HIVEP3: variants seen among roughly 807,000 people sequenced by gnomAD.
HIVEP3 encodes the protein transcription factor HIVEP3.
A neutral mutation model predicts 152.8 loss-of-function variants in HIVEP3; 49 were observed. The observed-to-expected ratio is 0.32, with a 90% CI of 0.26 to 0.41. The LOEUF (loss-of-function observed/expected upper bound fraction) is 0.41. Ranked by LOEUF, HIVEP3 falls within the 10% of genes least tolerant of loss-of-function variation. The pLI, the probability that HIVEP3 is intolerant of heterozygous loss-of-function variation, is 1.00. For synonymous variants in HIVEP3, 1,269 were observed against 1,289.0 expected, an observed-to-expected ratio of 0.98 and a Z score of 0.33; for missense variants, 2,790 against 3,103.3, an observed-to-expected ratio of 0.90 and a Z score of 2.40.
At position 41,833,070 on chromosome 1, in the gene HIVEP3, C is replaced by T. The variant is rs141399916; in HGVS notation, c.-801+85343G>A. Among the ~76,000 whole-genome samples the T allele has an allele frequency of 3.1e-3, 467 of 152,306 alleles. 3 individuals carry two copies. Among genetic ancestry groups the T allele is most frequent in the African/African-American group, 0.011 (453 of 41,572 alleles). On this transcript the variant is annotated intron_variant, in intron 1 of 8. Coordinates refer to ENST00000372583, the MANE Select transcript of HIVEP3 (RefSeq NM_024503.5). ...TCTTCATTTTAGGGGTGGGAGAAGG[C>T]ACGGAAATAATTCAGCTAAAATAAA... is the stretch of plus-strand genomic sequence containing the variant.
chr1:41,800,913 C>T (rs563682046), intron 1 of HIVEP3, among the ~76,000 whole-genome samples: 1 of 152,204 alleles, frequency 6.6e-6, no homozygotes, highest in African/African-American at 2.4e-5. Flanking sequence ...AATTCGTTAC[C>T]TGCCTACCTA....
intron 3 of HIVEP3, among the ~76,000 whole-genome samples, chr1:41,613,078 A>C (rs1644920784): frequency 1.3e-5 from 2 of 152,246 alleles, no homozygotes; most frequent in Non-Finnish European, 2.9e-5. Context: ...AGTGGAGGAC[A>C]GCCAGGAGCA....
chr1:41,834,409 G>A (rs998449061), intron 1 of HIVEP3, among the ~76,000 whole-genome samples: 1 of 152,178 alleles, frequency 6.6e-6, no homozygotes, highest in East Asian at 1.9e-4. Context: ...AAATACAGGG[G>A]TCACAGTTCA....
At chr1:41,676,991 C>T (rs545686873) in intron 2 of HIVEP3, among the ~76,000 whole-genome samples, 10 of 152,122 alleles carry the variant, frequency 6.6e-5, no homozygotes, top group Non-Finnish European at 1.3e-4. Context: ...TGTGTTATGC[C>T]GTGTGGAGGA....
chr1:41,689,773 C>A (rs2124106433), intron 2 of HIVEP3, among the ~76,000 whole-genome samples: 1 of 152,366 alleles, frequency 6.6e-6, no homozygotes, highest in Middle Eastern at 3.4e-3. Flanking sequence ...AAACCCCATC[C>A]TTTCCCTTAG....
intron 5 of HIVEP3, among the ~76,000 whole-genome samples, chr1:41,531,733 G>A (rs541874176): frequency 1.2e-4 from 10 of 86,374 alleles, no homozygotes; most frequent in South Asian, 6.3e-4. Flanking sequence ...AGACAGGGGC[G>A]ATAGAGGACA....
At chr1:41,649,830 T>C (rs1341668645) in intron 2 of HIVEP3, among the ~76,000 whole-genome samples, 1 of 152,176 alleles carries the variant, frequency 6.6e-6, no homozygotes, top group African/African-American at 2.4e-5. Context: ...TAAATCTGCA[T>C]CTGGCACCCA....
chr1:41,545,080 C>T (rs1403494877), intron 5 of HIVEP3, among the ~76,000 whole-genome samples: 3 of 134,130 alleles, frequency 2.2e-5, no homozygotes, highest in Admixed American at 1.4e-4. Flanking sequence ...ACCAACATCA[C>T]CACCTCTACC....
chr1:42,002,394 AAAC>A (rs1445102229), intron 1 of HIVEP3, among the ~76,000 whole-genome samples: 6 of 152,132 alleles, frequency 3.9e-5, no homozygotes, highest in African/African-American at 1.4e-4. Context: ...GAAAGAGTGC[AAAC>A]AACACCACTC....
intron 1 of HIVEP3, among the ~76,000 whole-genome samples, chr1:41,790,548 C>T (rs1649630491): frequency 6.6e-6 from 1 of 152,154 alleles, no homozygotes; most frequent in Non-Finnish European, 1.5e-5. Flanking sequence ...TTCAGATGTA[C>T]AAACTGAGAT....
At chr1:41,992,202 T>A (rs1489377545) in intron 1 of HIVEP3, among the ~76,000 whole-genome samples, 1 of 151,520 alleles carries the variant, frequency 6.6e-6, no homozygotes, top group Non-Finnish European at 1.5e-5. Context: ...AAAGAGGAAG[T>A]CAAATTGTCC....
intron 1 of HIVEP3, among the ~76,000 whole-genome samples, chr1:41,915,567 A>G (rs1644858492): frequency 6.6e-6 from 1 of 152,230 alleles, no homozygotes; most frequent in African/African-American, 2.4e-5. Flanking sequence ...CCAATGATCA[A>G]AATTCATAAA....
intron 1 of HIVEP3, among the ~76,000 whole-genome samples, chr1:42,000,372 T>C (rs1415499944): frequency 6.6e-6 from 1 of 152,100 alleles, no homozygotes; most frequent in African/African-American, 2.4e-5. Context: ...AACCAGCCAC[T>C]GTAAATGGAG....
At chr1:41,622,661 C>T (rs779997105) in intron 3 of HIVEP3, among the ~76,000 whole-genome samples, 1 of 152,214 alleles carries the variant, frequency 6.6e-6, no homozygotes, top group Non-Finnish European at 1.5e-5. Flanking sequence ...ATGCTCATTC[C>T]TGCCATAGAC....
chr1:41,582,307 G>A lies in HIVEP3; in HGVS notation c.2491C>T (p.Pro831Ser), dbSNP rs749698755. 1 of 1,614,164 alleles carries A rather than the reference G, an allele frequency of 6.2e-7. No individual in the cohort carries two copies. The highest frequency in any genetic ancestry group is 8.5e-7 in the Non-Finnish European group (1 of 1,180,022). ...EDKPLAQFPS[P>S]PPAPHGRSAH... ...GAGCGTCCGTGTGGGGCAGGTGGGGGTGATGGGAACTGGGCCAGAGGTTTG... is the reference window on the plus strand; with the variant it reads ...GAGCGTCCGTGTGGGGCAGGTGGGGATGATGGGAACTGGGCCAGAGGTTTG... Residue 831 changes from proline to serine, a missense_variant, in exon 4 of 9, where the codon CCC (proline) becomes TCC (serine). Pro to Ser is a moderately conservative substitution (Grantham distance 74, BLOSUM62 -1). This residue lies in a region of HIVEP3 where 1,078 missense variants were observed against 1,165.3 expected (regional missense o/e 0.93). Transcript: ENST00000372583. This position sits in a 1 kb window ranked among gnomAD's most constrained non-coding sequence, Gnocchi z 4.7.
chr1:41,910,360 A>C (rs1644776618), intron 1 of HIVEP3, among the ~76,000 whole-genome samples: 1 of 152,042 alleles, frequency 6.6e-6, no homozygotes. Flanking sequence ...ATATTGATTT[A>C]AGAAAAAAAT....
At chr1:41,940,224 T>G (rs1259221724) in intron 1 of HIVEP3, among the ~76,000 whole-genome samples, 9 of 152,232 alleles carry the variant, frequency 5.9e-5, no homozygotes, top group Admixed American at 2.6e-4. Context: ...GAGCTGAATT[T>G]TAAAAAATAT....
intron 1 of HIVEP3, among the ~76,000 whole-genome samples, chr1:41,774,241 G>A (rs1467143333): frequency 6.6e-6 from 1 of 152,188 alleles, no homozygotes; most frequent in African/African-American, 2.4e-5. Context: ...AGGCATACGG[G>A]GCCTTCAGAG....
chr1:41,749,094 T>C (rs1005640955), intron 1 of HIVEP3, among the ~76,000 whole-genome samples: 13 of 152,232 alleles, frequency 8.5e-5, no homozygotes, highest in Non-Finnish European at 1.6e-4. Flanking sequence ...GTCTCTATTT[T>C]CAGTCATGAC....
Sources: gnomAD v4.1 joint callset for allele counts (sites outside exome capture counted in the v4.1 genomes callset) on GRCh38, gnomAD v4.1.1 for gene constraint, gnomAD v4.1.1 regional missense constraint, Gnocchi (gnomAD v3.1) non-coding constraint, MANE v1.5 for transcripts, NCBI Gene and HGNC (gene_info 2026-07-23, HGNC 2026-07-21) for gene names.